The following LRMDA variants were observed in gnomAD, a reference collection of about 807,000 sequenced individuals.
LRMDA encodes leucine-rich melanocyte differentiation-associated protein.
Under a neutral mutation model 29.8 loss-of-function variants are expected in LRMDA, and 18 were observed. That is an observed-to-expected ratio of 0.60 (90% CI 0.42 to 0.90). The LOEUF (loss-of-function observed/expected upper bound fraction) is 0.90, where lower values mean the gene tolerates loss of function less well. Ranked by LOEUF, LRMDA falls within the 40% of genes least tolerant of loss-of-function variation. The pLI, the probability that LRMDA is intolerant of heterozygous loss-of-function variation, is 0.00. For missense variants in LRMDA, 273 were observed against 273.9 expected (o/e 1.00, Z 0.02); for synonymous variants, 125 against 109.4 (o/e 1.14, Z -0.89).
intron 2 of LRMDA, among the ~76,000 whole-genome samples, chr10:76,033,310 T>C (rs971188068): frequency 1.3e-5 from 2 of 152,292 alleles, no homozygotes; most frequent in Admixed American, 6.5e-5. Context: ...GTAATATGGT[T>C]CTCTTTTTAC....
chr10:75,780,078 G>A lies in LRMDA; in HGVS notation c.132-255930G>A, dbSNP rs550607975. Among the ~76,000 whole-genome samples the A allele has an allele frequency of 3.7e-4, 56 of 152,246 alleles. 1 individual carries two copies. The South Asian group carries it at 8.5e-3, about 23-fold the overall frequency. ...GATGCTGTGGCAAGATGGTTAAGCC[G>A]GAGCCACCAGGAATTGGAAGAGCCA... On this transcript the variant is annotated intron_variant, in intron 2 of 6. Transcript: ENST00000611255.
intron 5 of LRMDA, among the ~76,000 whole-genome samples, chr10:76,284,016 A>G (rs187518689): frequency 2.6e-5 from 4 of 152,284 alleles, no homozygotes; most frequent in East Asian, 3.9e-4. Flanking sequence ...TAGGGAGGCA[A>G]TTCCACTGTT....
At chr10:76,301,916 A>G (rs529855107) in intron 5 of LRMDA, among the ~76,000 whole-genome samples, 1 of 152,300 alleles carries the variant, frequency 6.6e-6, no homozygotes, top group Admixed American at 6.5e-5. Flanking sequence ...CTGTGTGGAG[A>G]TCACAGTAGT....
intron 5 of LRMDA, among the ~76,000 whole-genome samples, chr10:76,145,276 T>C (rs994561158): frequency 1.3e-5 from 2 of 152,238 alleles, no homozygotes; most frequent in African/African-American, 4.8e-5. Context: ...TACCAGCTCC[T>C]CTTTTCACCT....
At chr10:75,639,944 C>A (rs1021928189) in intron 2 of LRMDA, among the ~76,000 whole-genome samples, 1 of 152,244 alleles carries the variant, frequency 6.6e-6, no homozygotes, top group African/African-American at 2.4e-5. Context: ...AATCCTTCAT[C>A]ACCAAGGGAG....
intron 2 of LRMDA, chr10:75,743,878 A>G (rs1409564245): frequency 1.3e-5 from 2 of 152,210 alleles, no homozygotes; most frequent in Non-Finnish European, 2.9e-5. Flanking sequence ...AACTGTGGCC[A>G]GCTTTCCCCA....
intron 2 of LRMDA, among the ~76,000 whole-genome samples, chr10:75,885,189 T>C (rs1845364212): frequency 6.6e-6 from 1 of 152,222 alleles, no homozygotes; most frequent in Admixed American, 6.5e-5. Context: ...ATTGCTGTGC[T>C]TCCTCACCCT....
At position 76,351,854 on chromosome 10, in the gene LRMDA, G is replaced by A. The variant is rs571715145; in HGVS notation, c.601+27369G>A. 2.8e-4 allele frequency among the ~76,000 whole-genome samples: 43 copies of A among 152,222 alleles called. 1 individual carries two copies. The South Asian group carries it at 3.1e-3, about 11-fold the overall frequency. On this transcript the variant is annotated intron_variant, in intron 6 of 6. Transcript: ENST00000611255. ...GCCGGACTCCTGTATAGGAGCAGGCGCTATGTAAGAAGTGTTGGTTCTCTA... is the reference window on the plus strand; with the variant it reads ...GCCGGACTCCTGTATAGGAGCAGGCACTATGTAAGAAGTGTTGGTTCTCTA...
chr10:76,289,828 T>A (rs918859675), intron 5 of LRMDA, among the ~76,000 whole-genome samples: 17 of 152,210 alleles, frequency 1.1e-4, no homozygotes, highest in African/African-American at 3.6e-4. Context: ...GGTGCCAGGT[T>A]ATTGACTTCA....
intron 2 of LRMDA, among the ~76,000 whole-genome samples, chr10:75,854,603 A>G (rs181971835): frequency 6.6e-6 from 1 of 152,236 alleles, no homozygotes. Flanking sequence ...GTTTTAGGGT[A>G]CACGTGCACA....
At chr10:76,248,131 TTGAC>T (rs1852409264) in intron 5 of LRMDA, among the ~76,000 whole-genome samples, 1 of 152,184 alleles carries the variant, frequency 6.6e-6, no homozygotes, top group South Asian at 2.1e-4. Flanking sequence ...GGGAGCTATT[TTGAC>T]TCCCAAGAGT....
At chr10:75,981,787 G>A (rs1051588236) in intron 2 of LRMDA, among the ~76,000 whole-genome samples, 3 of 150,546 alleles carry the variant, frequency 2.0e-5, no homozygotes, top group African/African-American at 7.3e-5. Context: ...GGGAAGTGGA[G>A]GTTGCAGTGA....
chr10:75,710,292 G>A (rs1842420749), intron 2 of LRMDA, among the ~76,000 whole-genome samples: 1 of 152,140 alleles, frequency 6.6e-6, no homozygotes, highest in Non-Finnish European at 1.5e-5. Flanking sequence ...TTCTCAGCTG[G>A]ATATCTATCA....
At chr10:76,152,399 A>G (rs1401396932) in intron 5 of LRMDA, among the ~76,000 whole-genome samples, 4 of 152,218 alleles carry the variant, frequency 2.6e-5, no homozygotes, top group Non-Finnish European at 4.4e-5. Flanking sequence ...TAGATATACC[A>G]TATTTTATCT....
At chr10:75,864,465 T>A (rs1564590441) in intron 2 of LRMDA, among the ~76,000 whole-genome samples, 1 of 152,138 alleles carries the variant, frequency 6.6e-6, no homozygotes, top group East Asian at 1.9e-4. Flanking sequence ...TTCCAAGGAG[T>A]TTTACCCTTT....
In LRMDA at chr10:75,799,680, TTGTGTGTGTGTGTGTGTGTGTGTG is replaced by T. The variant is rs57575125; in HGVS notation, c.132-236308_132-236285del. Reference sequence around the variant, plus strand: ...CAGGTGTGTGTTACTATTCCTAGCTTTGTGTGTGTGTGTGTGTGTGTGTGTGTGTGTGTGTGTGTGTGTTTAGTA... The same window carrying T: ...CAGGTGTGTGTTACTATTCCTAGCTTTGTGTGTGTGTGTGTGTGTTTAGTA... On this transcript the variant is annotated intron_variant, in intron 2 of 6. Coordinates refer to ENST00000611255, the MANE Select transcript of LRMDA (RefSeq NM_001305581.2). Among the ~76,000 whole-genome samples, 12 of 136,216 alleles carry T rather than the reference TTGTGTGTGTGTGTGTGTGTGTGTG, an allele frequency of 8.8e-5. No individual in the cohort carries two copies. The East Asian group carries it at 2.6e-3, about 30-fold the overall frequency. The allele number at this position is 136,216 out of a possible 152,430, so 89.4% of individuals were successfully genotyped here. A position where few individuals can be genotyped will look rare whatever the true frequency, so the allele number is the denominator to read the frequency against.
chr10:76,055,660 C>G (rs901595992), intron 4 of LRMDA, among the ~76,000 whole-genome samples: 3 of 152,246 alleles, frequency 2.0e-5, no homozygotes, highest in Non-Finnish European at 4.4e-5. Flanking sequence ...AGCACAGGGT[C>G]TGGCCACTGC....
Position 75,452,843 on chromosome 10 carries a change from T to C in LRMDA, c.131+14349T>C, listed in dbSNP as rs188204601. 7.9e-5 allele frequency among the ~76,000 whole-genome samples: 12 copies of C among 152,320 alleles called. No individual in the cohort carries two copies. The East Asian group carries it at 1.2e-3, about 15-fold the overall frequency. On this transcript the variant is annotated intron_variant, in intron 2 of 6. Transcript: ENST00000611255. Reference sequence around the variant, plus strand: ...AAAAAGCTGCCTGTATTTTATTTCATTGGGATGCACTTGGACACTGCTTAG... The same window carrying C: ...AAAAAGCTGCCTGTATTTTATTTCACTGGGATGCACTTGGACACTGCTTAG...
chr10:76,209,575 G>A (rs1005885948), intron 5 of LRMDA, among the ~76,000 whole-genome samples: 1 of 152,222 alleles, frequency 6.6e-6, no homozygotes, highest in Non-Finnish European at 1.5e-5. Context: ...TGTAGTGGTT[G>A]ATTTCTGGGG....
Sources: gnomAD v4.1 joint callset for allele counts (sites outside exome capture counted in the v4.1 genomes callset) on GRCh38, gnomAD v4.1.1 for gene constraint, MANE v1.5 for transcripts, NCBI Gene and HGNC (gene_info 2026-07-23, HGNC 2026-07-21) for gene names.